The following RNF111 variants were observed in gnomAD, a reference collection of about 807,000 sequenced individuals.
The protein encoded by RNF111 is ring finger protein 111.
RNF111 carries 17 observed loss-of-function variants against 95.1 expected under a neutral mutation model. The ratio of observed to expected loss-of-function variants is 0.18; its 90% CI spans 0.12 to 0.27. RNF111 has a LOEUF of 0.27. Among genes scored for constraint, RNF111 ranks in the 10% least tolerant of loss-of-function variants. The probability of loss-of-function intolerance (pLI) is 1.00; values close to 1 mark genes in which losing one functional copy is unlikely to be tolerated. For missense variants in RNF111, 1,189 were observed against 1,210.4 expected (o/e 0.98, Z 0.26); for synonymous variants, 440 against 414.8 (o/e 1.06, Z -0.74).
At chr15:59,017,310 A>G (rs749979833) in intron 1 of RNF111, among the ~76,000 whole-genome samples, 22 of 152,218 alleles carry the variant, frequency 1.4e-4, no homozygotes, top group Non-Finnish European at 2.6e-4. Context: ...ATATGTGACA[A>G]TGCTTATTCA....
intron 1 of RNF111, among the ~76,000 whole-genome samples, chr15:58,988,764 A>G (rs1302831219): frequency 6.6e-6 from 1 of 152,180 alleles, no homozygotes; most frequent in African/African-American, 2.4e-5. Context: ...TGAGGTATTC[A>G]TTTAATTTGT....
intron 2 of RNF111, among the ~76,000 whole-genome samples, chr15:59,049,034 G>T (rs559666347): frequency 6.6e-6 from 1 of 152,012 alleles, no homozygotes; most frequent in African/African-American, 2.4e-5. Context: ...CCAGGAGATT[G>T]ACGGCATGAG....
chr15:59,020,476 A>T (rs1487705861), intron 1 of RNF111, among the ~76,000 whole-genome samples: 1 of 152,170 alleles, frequency 6.6e-6, no homozygotes, highest in Non-Finnish European at 1.5e-5. Context: ...GAGGTTAGAT[A>T]CACCCTTCAT....
rs768533219 is a variant in RNF111, at chr15:59,092,547, A to C, written c.2750A>C (p.His917Pro). ...YPHKYKKRKL[H>P]CKQDGEEGTE... is the part of the protein sequence containing the mutation. ...GATTGGTTCTCACAGAGGAAACTGC[A>C]CTGCAAACAAGATGGGGAAGAAGGG... The change falls in exon 13 of 14, where the codon CAC becomes CCC. Residue 917 changes from histidine to proline, a missense_variant. His to Pro is a moderately conservative substitution (Grantham distance 77, BLOSUM62 -2). This residue lies in a region of RNF111 where 165 missense variants were observed against 284.6 expected (regional missense o/e 0.58). Transcript: ENST00000348370. The C allele has an allele frequency of 1.2e-6, 2 of 1,612,654 alleles. No homozygotes were observed. Among genetic ancestry groups the C allele is most frequent in the South Asian group, 1.1e-5 (1 of 90,906 alleles).
Position 59,072,394 on chromosome 15 carries a change from C to G in RNF111, c.1687-3560C>G, listed in dbSNP as rs144576794. Among the ~76,000 whole-genome samples, 10 of 150,124 alleles carry G rather than the reference C, an allele frequency of 6.7e-5. No individual in the cohort carries two copies. The East Asian group carries it at 2.0e-3, about 29-fold the overall frequency. Reference sequence around the variant, plus strand: ...AGCTGCTTTAAGTTTATGTGATGTACTAATGTAATATATTAAGTTGATGTG... The same window carrying G: ...AGCTGCTTTAAGTTTATGTGATGTAGTAATGTAATATATTAAGTTGATGTG... On this transcript the variant is annotated intron_variant, in intron 6 of 13. Transcript: ENST00000348370.
intron 2 of RNF111, among the ~76,000 whole-genome samples, chr15:59,046,846 T>C (rs146294214): frequency 6.6e-6 from 1 of 152,282 alleles, no homozygotes; most frequent in African/African-American, 2.4e-5. Flanking sequence ...GTATTCAGGA[T>C]ATATAAGGAA....
chr15:59,004,182 CTTTGT>C (rs1167444599), intron 1 of RNF111: 6 of 1,143,470 alleles, frequency 5.2e-6, no homozygotes, highest in Non-Finnish European at 6.6e-6. Context: ...AAGGTCTCAA[CTTTGT>C]TTTTAGTTAT....
At position 58,988,051 on chromosome 15, in the gene RNF111, GGGT is replaced by G. The variant is rs2038641810; in HGVS notation, c.-34_-32del. On this transcript the variant is annotated 5_prime_UTR_variant, in exon 1 of 14. Transcript: ENST00000348370. ...GATTCCCGGACCCTGGAAGAGAAGA[GGGT>G]GGCTAATGATTAAGGTGAGGGGAAC... 1 of 151,626 alleles carries G rather than the reference GGGT, an allele frequency of 6.6e-6. No individual in the cohort carries two copies. Among genetic ancestry groups the G allele is most frequent in the African/African-American group, 2.4e-5 (1 of 41,112 alleles). 9.4% of individuals were successfully genotyped at this position (151,626 alleles called of 1,614,324 possible).
chr15:58,988,547 T>C (rs547032410), intron 1 of RNF111: 12 of 152,390 alleles, frequency 7.9e-5, no homozygotes, highest in Non-Finnish European at 1.3e-4. Context: ...AGTTGGCTTG[T>C]TGGTCATTTA....
At chr15:58,993,895 T>A (rs2141372901) in intron 1 of RNF111, among the ~76,000 whole-genome samples, 1 of 152,280 alleles carries the variant, frequency 6.6e-6, no homozygotes, top group Admixed American at 6.5e-5. Flanking sequence ...AATAGAAAAT[T>A]TAAGAAATTC....
intron 2 of RNF111, among the ~76,000 whole-genome samples, chr15:59,042,710 C>T (rs1331724316): frequency 6.6e-6 from 1 of 152,114 alleles, no homozygotes; most frequent in Non-Finnish European, 1.5e-5. Flanking sequence ...AGATATGCTA[C>T]CTTTGTCACA....
intron 1 of RNF111, among the ~76,000 whole-genome samples, chr15:58,989,056 G>A (rs2038692983): frequency 6.6e-6 from 1 of 151,838 alleles, no homozygotes; most frequent in South Asian, 2.1e-4. Flanking sequence ...CATTTTTGTT[G>A]TGTGTGTGTG....
chr15:59,037,421 A>T (rs183905509), intron 2 of RNF111, among the ~76,000 whole-genome samples: 1 of 152,232 alleles, frequency 6.6e-6, no homozygotes, highest in Non-Finnish European at 1.5e-5. Context: ...TTTTAGTAAT[A>T]TATTTCTAGG....
intron 6 of RNF111, among the ~76,000 whole-genome samples, chr15:59,073,738 A>C (rs1035594005): frequency 1.3e-5 from 2 of 152,198 alleles, no homozygotes; most frequent in African/African-American, 4.8e-5. Context: ...CATGAACCAC[A>C]AATGTTCTTA....
intron 2 of RNF111, among the ~76,000 whole-genome samples, chr15:59,041,991 T>C (rs1258082308): frequency 1.3e-5 from 2 of 150,266 alleles, no homozygotes; most frequent in Admixed American, 6.6e-5. Context: ...CCTGTTTTGA[T>C]ATCAGGATAC....
intron 1 of RNF111, among the ~76,000 whole-genome samples, chr15:59,026,193 A>G (rs969677348): frequency 3.5e-4 from 53 of 152,276 alleles, no homozygotes; most frequent in African/African-American, 1.2e-3. Flanking sequence ...TCAGAGTTGT[A>G]TGGATAGTCT....
At position 59,076,195 on chromosome 15, in the gene RNF111, G is replaced by A. The variant is rs377361399; in HGVS notation, c.1928G>A (p.Arg643Gln). 4.3e-6 allele frequency: 7 copies of A among 1,613,212 alleles called. No homozygotes were observed. Among genetic ancestry groups the A allele is most frequent in the South Asian group, 1.1e-5 (1 of 91,068 alleles). ...PPPQPSLSSC[R>Q]HYMPPPYASL... ...CCACAGCCCTCTCTCTCATCATGTC[G>A]ACATTACATGCCACCCCCTTGTAAG... The change falls in exon 7 of 14, where the codon CGA (arginine) becomes CAA (glutamine). Residue 643 changes from arginine (R) to glutamine (Q), a missense_variant. This residue lies in a region of RNF111 where 1,024 missense variants were observed against 925.9 expected (regional missense o/e 1.11). Transcript: ENST00000348370.
intron 1 of RNF111, among the ~76,000 whole-genome samples, chr15:59,007,654 A>G (rs1325871822): frequency 2.0e-5 from 3 of 152,146 alleles, no homozygotes; most frequent in Non-Finnish European, 4.4e-5. Context: ...CCAGTTGTGG[A>G]ATATCCTTGC....
At chr15:59,048,945 A>G (rs2041838584) in intron 2 of RNF111, among the ~76,000 whole-genome samples, 1 of 152,006 alleles carries the variant, frequency 6.6e-6, no homozygotes, top group Non-Finnish European at 1.5e-5. Flanking sequence ...AAACAAACAA[A>G]CAAAAATTAG....
Sources: allele counts gnomAD v4.1 joint callset (sites outside exome capture counted in the v4.1 genomes callset), GRCh38; gene constraint gnomAD v4.1.1; regional missense constraint gnomAD v4.1.1; transcripts MANE v1.5; gene names NCBI Gene and HGNC (gene_info 2026-07-23, HGNC 2026-07-21).